The following BLTP3B variants were observed in gnomAD, a reference collection of about 807,000 sequenced individuals.
The protein encoded by BLTP3B is UHRF1 (ICBP90) binding protein 1-like.
At chr12:100,055,677 C>CAAAAAAAAA in the BLTP3B span, among the ~76,000 whole-genome samples, 1 of 83,370 alleles carries the variant, frequency 1.2e-5, no homozygotes. Flanking sequence ...AACTACATCT[C>CAAAAAAAAA]AAAAAAAAAA....
chr12:100,090,755 A>T, the BLTP3B span, among the ~76,000 whole-genome samples: 1 of 152,150 alleles, frequency 6.6e-6, no homozygotes, highest in African/African-American at 2.4e-5. Flanking sequence ...TAATTGTTAA[A>T]CTGATATCAA....
the BLTP3B span, chr12:100,039,794 TCAAA>T: frequency 6.2e-7 from 1 of 1,606,070 alleles, no homozygotes; most frequent in Non-Finnish European, 8.5e-7. Context: ...GAGAATCTGA[TCAAA>T]CAAATAACAT....
chr12:100,090,047 C>T, the BLTP3B span, among the ~76,000 whole-genome samples: 3 of 152,310 alleles, frequency 2.0e-5, no homozygotes, highest in Admixed American at 6.5e-5. Flanking sequence ...ACCACGATTA[C>T]GAGGCTTCCC....
At chr12:100,056,822 G>C in the BLTP3B span, among the ~76,000 whole-genome samples, 28 of 148,046 alleles carry the variant, frequency 1.9e-4, no homozygotes, top group Non-Finnish European at 3.7e-4. Flanking sequence ...GGGCGACAGA[G>C]TGAAAAAAAA....
At chr12:100,064,191 A>G in the BLTP3B span, among the ~76,000 whole-genome samples, 1 of 152,212 alleles carries the variant, frequency 6.6e-6, no homozygotes, top group Non-Finnish European at 1.5e-5. Flanking sequence ...ACAAATTCAG[A>G]GCTCGAAGAC....
the BLTP3B span, among the ~76,000 whole-genome samples, chr12:100,041,604 T>A: frequency 1.3e-5 from 2 of 151,978 alleles, no homozygotes; most frequent in African/African-American, 4.8e-5. Context: ...ACCCAGCTAA[T>A]TTTTGCATTT....
the BLTP3B span, among the ~76,000 whole-genome samples, chr12:100,122,884 T>C: frequency 6.6e-6 from 1 of 152,256 alleles, no homozygotes; most frequent in South Asian, 2.1e-4. Flanking sequence ...GGCCAAACTT[T>C]CTCCCCTGAG....
At chr12:100,046,688 G>C in the BLTP3B span, among the ~76,000 whole-genome samples, 43,155 of 151,794 alleles carry the variant, frequency 0.28, 9,496 homozygotes, top group African/African-American at 0.62. Flanking sequence ...AAAAAACCTG[G>C]ACGTTGGGTA....
At chr12:100,110,894 T>C in the BLTP3B span, among the ~76,000 whole-genome samples, 19 of 152,314 alleles carry the variant, frequency 1.2e-4, 1 homozygote, top group Middle Eastern at 6.8e-3. Flanking sequence ...AACAGAATAT[T>C]TGACTATATA....
chr12:100,117,531 C>T, the BLTP3B span, among the ~76,000 whole-genome samples: 1 of 152,058 alleles, frequency 6.6e-6, no homozygotes, highest in Non-Finnish European at 1.5e-5. Flanking sequence ...GGTGTGATCA[C>T]AGCTCACTGC....
At chr12:100,102,570 T>C in the BLTP3B span, among the ~76,000 whole-genome samples, 1 of 152,120 alleles carries the variant, frequency 6.6e-6, no homozygotes, top group Non-Finnish European at 1.5e-5. Context: ...TATTATTTAA[T>C]AATAGCAAGG....
the BLTP3B span, chr12:100,039,900 T>C: frequency 1.0e-6 from 1 of 992,504 alleles, no homozygotes; most frequent in Non-Finnish European, 1.4e-6. Flanking sequence ...ATATTAGTTA[T>C]GAGGATAGTA....
At chr12:100,087,352 G>A in the BLTP3B span, among the ~76,000 whole-genome samples, 1 of 152,004 alleles carries the variant, frequency 6.6e-6, no homozygotes, top group Non-Finnish European at 1.5e-5. Flanking sequence ...ACATAGCTAT[G>A]TATACACTCC....
the BLTP3B span, among the ~76,000 whole-genome samples, chr12:100,093,150 G>A: frequency 3.9e-5 from 6 of 152,184 alleles, no homozygotes; most frequent in African/African-American, 1.4e-4. Context: ...ACTATTCTAT[G>A]TTAGGGCCCA....
At chr12:100,142,259 T>C in the BLTP3B span, among the ~76,000 whole-genome samples, 1 of 152,154 alleles carries the variant, frequency 6.6e-6, no homozygotes, top group Non-Finnish European at 1.5e-5. Flanking sequence ...CCAGGCCACC[T>C]CCAGCCTCCG....
At chr12:100,086,856 C>T in the BLTP3B span, among the ~76,000 whole-genome samples, 1 of 152,138 alleles carries the variant, frequency 6.6e-6, no homozygotes, top group Admixed American at 6.5e-5. Context: ...TATCATCCTA[C>T]CTCTTACTGA....
At chr12:100,122,531 A>G in the BLTP3B span, among the ~76,000 whole-genome samples, 1 of 152,218 alleles carries the variant, frequency 6.6e-6, no homozygotes, top group South Asian at 2.1e-4. Context: ...GGCAACTCTT[A>G]CCCTCAAGGA....
the BLTP3B span, among the ~76,000 whole-genome samples, chr12:100,072,043 T>C: frequency 0.074 from 11,216 of 152,242 alleles, 446 homozygotes; most frequent in South Asian, 0.092. Context: ...GGCAGATCAC[T>C]TGAGGTCAGG....
chr12:100,057,821 TA>T, the BLTP3B span: 2 of 1,405,058 alleles, frequency 1.4e-6, no homozygotes, highest in Non-Finnish European at 1.9e-6. Context: ...CTAAGAGAAT[TA>T]AAATATGTAT....
Sources: gnomAD v4.1 joint callset for allele counts (sites outside exome capture counted in the v4.1 genomes callset) on GRCh38, gnomAD v4.1.1 for gene constraint, MANE v1.5 for transcripts, NCBI Gene and HGNC (gene_info 2026-07-23, HGNC 2026-07-21) for gene names.